Variants in LIN28B observed in about 807,000 individuals in gnomAD.
LIN28B encodes protein lin-28 homolog B.
A neutral mutation model predicts 21.9 loss-of-function variants in LIN28B; 5 were observed. The ratio of observed to expected loss-of-function variants is 0.23; its 90% CI spans 0.12 to 0.48. The LOEUF (loss-of-function observed/expected upper bound fraction) is 0.48, where lower values mean the gene tolerates loss of function less well. LIN28B is among the 20% of genes least tolerant of loss of function. The pLI is 0.98. For missense variants in LIN28B, 245 were observed against 310.5 expected (o/e 0.79, Z 1.58); for synonymous variants, 109 against 111.3 (o/e 0.98, Z 0.13).
rs1772476454 is a variant in LIN28B at position 105,078,436 on chromosome 6, G to C, written c.406G>C (p.Asp136His). The part of the protein sequence containing the change: ...GDRCYNCGGL[D>H]HHAKECSLPP... The stretch of plus-strand genomic sequence containing the variant: ...TAGATGCTACAACTGTGGTGGCCTT[G>C]ATCATCATGCTAAGGAATGTAGTCT... The change falls in exon 4 of 4, where the codon GAT (aspartate) becomes CAT (histidine). Residue 136 changes from aspartate to histidine, a missense_variant. Physicochemically the swap from Asp to His is moderately conservative, Grantham distance 81. Coordinates refer to ENST00000345080, the MANE Select transcript of LIN28B (RefSeq NM_001004317.4). 5 of 1,606,308 alleles carry C rather than the reference G, an allele frequency of 3.1e-6. No homozygotes were observed. The highest frequency in any genetic ancestry group is 2.2e-5 in the South Asian group (2 of 90,852).
At chr6:105,065,092 T>C (rs1249323967) in intron 3 of LIN28B, among the ~76,000 whole-genome samples, 1 of 152,188 alleles carries the variant, frequency 6.6e-6, no homozygotes, top group Non-Finnish European at 1.5e-5. Flanking sequence ...AGATTTTACC[T>C]CCACCAGTGG....
chr6:105,064,038 A>G (rs898332622), intron 3 of LIN28B, among the ~76,000 whole-genome samples: 7 of 152,124 alleles, frequency 4.6e-5, no homozygotes, highest in South Asian at 2.1e-4. Context: ...ATTGGGTCCA[A>G]TAATTCAGTG....
intron 3 of LIN28B, among the ~76,000 whole-genome samples, chr6:105,078,002 A>C (rs1772469564): frequency 6.6e-6 from 1 of 152,212 alleles, no homozygotes; most frequent in Non-Finnish European, 1.5e-5. Flanking sequence ...TATCATGCCA[A>C]CAGCTGTATT....
intron 2 of LIN28B, among the ~76,000 whole-genome samples, chr6:104,990,165 AATG>A (rs1418440426): frequency 1.3e-5 from 2 of 151,528 alleles, no homozygotes; most frequent in Non-Finnish European, 2.9e-5. Flanking sequence ...TTAATTCCAT[AATG>A]ATTAGATAAT....
chr6:105,043,355 A>G (rs1771680344), intron 3 of LIN28B, among the ~76,000 whole-genome samples: 1 of 112,792 alleles, frequency 8.9e-6, no homozygotes, highest in African/African-American at 2.6e-5. Flanking sequence ...AAAAAAAAAA[A>G]AAAAAAAAAA....
rs186089148 is a variant in LIN28B at position 104,961,217 on chromosome 6, T to G, written c.198+2931T>G. On this transcript the variant is annotated intron_variant, in intron 2 of 3. Transcript: ENST00000345080. ...TTAAAAAATTAACAAAATATGTAAGTATTATATTTGTGAATTTTGTCATAT... is the reference window on the plus strand; with the variant it reads ...TTAAAAAATTAACAAAATATGTAAGGATTATATTTGTGAATTTTGTCATAT... Among the ~76,000 whole-genome samples the G allele has an allele frequency of 1.1e-4, 16 of 152,316 alleles. No individual in the cohort carries two copies. In the East Asian group the frequency reaches 3.1e-3, roughly 29 times the overall value.
chr6:104,970,620 CTTAT>C (rs929609079), intron 2 of LIN28B, among the ~76,000 whole-genome samples: 1 of 152,058 alleles, frequency 6.6e-6, no homozygotes, highest in Non-Finnish European at 1.5e-5. Context: ...TTCTTAGTTA[CTTAT>C]TTTTCTATCA....
Position 105,063,648 on chromosome 6 carries a change from G to GAAA in LIN28B, c.384-14761_384-14759dup, listed in dbSNP as rs1230150037. Among the ~76,000 whole-genome samples, 1,247 of 133,270 alleles carry GAAA rather than the reference G, an allele frequency of 9.4e-3. 52 individuals are homozygous for GAAA. Among genetic ancestry groups the GAAA allele is most frequent in the African/African-American group, 0.027 (952 of 35,826 alleles). 87.4% of individuals were successfully genotyped at this position (133,270 alleles called of 152,430 possible). ...AAGACTCCATCTCGGGGGGGGGGGGGAAAAAAAGGTAAAGTAAAGGATAAT... is the reference window on the plus strand; with the variant it reads ...AAGACTCCATCTCGGGGGGGGGGGGGAAAAAAAAAAGGTAAAGTAAAGGATAAT... On this transcript the variant is annotated intron_variant, in intron 3 of 3. Transcript: ENST00000345080.
At chr6:104,937,455 C>T (rs1349476585) in intron 2 of LIN28B, among the ~76,000 whole-genome samples, 1 of 152,104 alleles carries the variant, frequency 6.6e-6, no homozygotes, top group Non-Finnish European at 1.5e-5. Context: ...TTTGTAGAGA[C>T]GGTTTCACCA....
chr6:104,991,725 T>A (rs1425080251), intron 2 of LIN28B, among the ~76,000 whole-genome samples: 2 of 152,046 alleles, frequency 1.3e-5, no homozygotes, highest in African/African-American at 4.8e-5. Context: ...TGGGCAACAT[T>A]GAGCACTGAG....
intron 2 of LIN28B, among the ~76,000 whole-genome samples, chr6:104,984,909 A>G (rs1770303909): frequency 6.6e-6 from 1 of 152,218 alleles, no homozygotes; most frequent in African/African-American, 2.4e-5. Context: ...TGCTATAGAT[A>G]TGACACACTG....
At chr6:105,014,677 C>T (rs1770993296) in intron 2 of LIN28B, among the ~76,000 whole-genome samples, 1 of 152,106 alleles carries the variant, frequency 6.6e-6, no homozygotes, top group Non-Finnish European at 1.5e-5. Context: ...GGGTCATGAA[C>T]ACCTGGCCTC....
chr6:104,959,285 A>G (rs1456938988), intron 2 of LIN28B, among the ~76,000 whole-genome samples: 1 of 152,174 alleles, frequency 6.6e-6, no homozygotes, highest in Non-Finnish European at 1.5e-5. Context: ...TTGGCATGAT[A>G]ATCTAAGTTA....
chr6:104,987,651 T>C (rs1770374239), intron 2 of LIN28B, among the ~76,000 whole-genome samples: 1 of 152,190 alleles, frequency 6.6e-6, no homozygotes, highest in East Asian at 1.9e-4. Context: ...ATAAATACTT[T>C]ACCTCTTTTT....
upstream of LIN28B, among the ~76,000 whole-genome samples, chr6:104,956,327 T>G (rs1016030669): frequency 6.6e-6 from 1 of 152,084 alleles, no homozygotes; most frequent in Non-Finnish European, 1.5e-5. Flanking sequence ...AACTGGGCTG[T>G]TATTTAGGAA....
chr6:105,027,272 A>G (rs1771305131), intron 3 of LIN28B, among the ~76,000 whole-genome samples: 1 of 152,136 alleles, frequency 6.6e-6, no homozygotes, highest in Non-Finnish European at 1.5e-5. Context: ...TTAGCGGGCC[A>G]GTATGTAACA....
chr6:105,073,337 T>A (rs1772368120), intron 3 of LIN28B, among the ~76,000 whole-genome samples: 1 of 152,200 alleles, frequency 6.6e-6, no homozygotes, highest in Non-Finnish European at 1.5e-5. Flanking sequence ...TTCCTGTAAT[T>A]TTTTTCAATC....
intron 2 of LIN28B, among the ~76,000 whole-genome samples, chr6:104,965,236 A>G (rs1769829973): frequency 6.6e-6 from 1 of 152,230 alleles, no homozygotes; most frequent in South Asian, 2.1e-4. Flanking sequence ...TGTTATTTAA[A>G]ATAATTCTTT....
chr6:105,033,647 A>G (rs1359642171), intron 3 of LIN28B, among the ~76,000 whole-genome samples: 1 of 151,954 alleles, frequency 6.6e-6, no homozygotes, highest in Non-Finnish European at 1.5e-5. Context: ...TCTTAAGTTC[A>G]TTACAAAAAG....
Sources: allele counts gnomAD v4.1 joint callset (sites outside exome capture counted in the v4.1 genomes callset), GRCh38; gene constraint gnomAD v4.1.1; transcripts MANE v1.5; gene names NCBI Gene and HGNC (gene_info 2026-07-23, HGNC 2026-07-21).